Variants in RNF6 observed in about 807,000 individuals in gnomAD.
RNF6 encodes the protein ring finger protein 6, also known as E3 ubiquitin-protein ligase RNF6.
Under a neutral mutation model 50.1 loss-of-function variants are expected in RNF6, and 21 were observed. That is an observed-to-expected ratio of 0.42 (90% CI 0.30 to 0.60). The LOEUF is 0.60. RNF6 is among the 20% of genes least tolerant of loss of function. The pLI, the probability that RNF6 is intolerant of heterozygous loss-of-function variation, is 0.20. For missense variants in RNF6, 698 were observed against 838.2 expected, an observed-to-expected ratio of 0.83 and a Z score of 2.07; for synonymous variants, 255 against 291.8, an observed-to-expected ratio of 0.87 and a Z score of 1.29.
intron 5 of RNF6, among the ~76,000 whole-genome samples, chr13:26,149,986 A>G (rs991590821): frequency 2.3e-5 from 3 of 131,638 alleles, no homozygotes; most frequent in Admixed American, 7.8e-5. Context: ...TATAATGTGT[A>G]TATATATATA....
intron 5 of RNF6, among the ~76,000 whole-genome samples, chr13:26,192,647 C>G (rs1868508584): frequency 6.6e-6 from 1 of 152,208 alleles, no homozygotes; most frequent in Non-Finnish European, 1.5e-5. Context: ...AAACAGGCTG[C>G]CATTTTGGAA....
chr13:26,166,706 G>A (rs1292845850), intron 5 of RNF6, among the ~76,000 whole-genome samples: 2 of 152,134 alleles, frequency 1.3e-5, no homozygotes, highest in South Asian at 2.1e-4. Flanking sequence ...GATCTCTTGA[G>A]GTCAGGAGTT....
Position 26,168,938 on chromosome 13 carries a change from G to A in RNF6, n.769-36487C>T, listed in dbSNP as rs1031863740. Among the ~76,000 whole-genome samples the A allele has an allele frequency of 1.1e-4, 16 of 152,208 alleles. No homozygotes were observed. In the South Asian group the frequency reaches 1.4e-3, roughly 14 times the overall value. ...GAATTGCTTGAGCCTGGGAAGTCAAGGCTGCAATGAGCCATGATCATGCCA... is the reference window on the plus strand; with the variant it reads ...GAATTGCTTGAGCCTGGGAAGTCAAAGCTGCAATGAGCCATGATCATGCCA... On this transcript the variant is annotated intron_variant and non_coding_transcript_variant, in intron 5 of 5. Coordinates refer to the RNF6 transcript ENST00000468480.
intron 5 of RNF6, among the ~76,000 whole-genome samples, chr13:26,160,888 G>A (rs941479455): frequency 6.6e-6 from 1 of 152,062 alleles, no homozygotes; most frequent in South Asian, 2.1e-4. Context: ...CTCTCTGGAT[G>A]TCCTCAGATC....
In RNF6 at chr13:26,151,256, G is replaced by A. The variant is rs498147; in HGVS notation, n.769-18805C>T. On this transcript the variant is annotated intron_variant and non_coding_transcript_variant, in intron 5 of 5. Coordinates refer to the RNF6 transcript ENST00000468480. ...CTTTTCAAAACAGTTAAATCCAGAT[G>A]GTCTGATATCTTTTTTTTTTTTATG... Among the ~76,000 whole-genome samples the A allele has an allele frequency of 8.0e-3, 1,215 of 151,750 alleles. 14 individuals carry two copies. Among genetic ancestry groups the A allele is most frequent in the African/African-American group, 0.023 (934 of 41,320 alleles).
chr13:26,163,092 C>T (rs1409803797), intron 5 of RNF6, among the ~76,000 whole-genome samples: 2 of 151,918 alleles, frequency 1.3e-5, no homozygotes, highest in Non-Finnish European at 2.9e-5. Context: ...GGGTGGATCA[C>T]GAGGTCAGGA....
intron 5 of RNF6, among the ~76,000 whole-genome samples, chr13:26,169,910 T>C (rs1274990514): frequency 1.3e-5 from 2 of 152,218 alleles, no homozygotes; most frequent in Non-Finnish European, 2.9e-5. Flanking sequence ...CTCTCTCCTA[T>C]TATAATAGTT....
intron 5 of RNF6, among the ~76,000 whole-genome samples, chr13:26,164,981 C>T (rs1872377831): frequency 6.6e-6 from 1 of 152,100 alleles, no homozygotes; most frequent in Non-Finnish European, 1.5e-5. Context: ...AATGTTAATC[C>T]CCAAGACAAT....
intron 5 of RNF6, among the ~76,000 whole-genome samples, chr13:26,137,385 AT>A (rs1870702921): frequency 5.9e-5 from 9 of 152,244 alleles, no homozygotes; most frequent in African/African-American, 1.7e-4. Flanking sequence ...AGAATTGCCC[AT>A]TATATTACTT....
At chr13:26,175,954 A>C (rs564260833) in intron 5 of RNF6, among the ~76,000 whole-genome samples, 1 of 152,186 alleles carries the variant, frequency 6.6e-6, no homozygotes, top group East Asian at 1.9e-4. Flanking sequence ...GGAACACAGC[A>C]CTCTCACATT....
At chr13:26,184,699 A>G (rs1212379528) in intron 5 of RNF6, among the ~76,000 whole-genome samples, 1 of 152,210 alleles carries the variant, frequency 6.6e-6, no homozygotes, top group Non-Finnish European at 1.5e-5. Flanking sequence ...TAATGACTGC[A>G]CAATACGAGT....
intron 5 of RNF6, among the ~76,000 whole-genome samples, chr13:26,172,112 C>A (rs12875445): frequency 0.9 from 136,528 of 152,188 alleles, 62,377 homozygotes; most frequent in East Asian, 1. Flanking sequence ...GATATTATAA[C>A]ATGTTAAAAT....
chr13:26,203,870 G>A (rs545264125), intron 5 of RNF6, among the ~76,000 whole-genome samples: 1 of 152,270 alleles, frequency 6.6e-6, no homozygotes, highest in African/African-American at 2.4e-5. Context: ...GGAGAATGGC[G>A]TGAACCCGGG....
chr13:26,179,484 C>T (rs758154855), intron 5 of RNF6, among the ~76,000 whole-genome samples: 62 of 152,300 alleles, frequency 4.1e-4, no homozygotes, highest in Non-Finnish European at 8.1e-4. Flanking sequence ...TTTGGGATCA[C>T]TGAGTACAAG....
chr13:26,164,176 T>A (rs532264717), intron 5 of RNF6, among the ~76,000 whole-genome samples: 100 of 152,200 alleles, frequency 6.6e-4, no homozygotes, highest in Non-Finnish European at 1.2e-3. Flanking sequence ...TTATCATCCC[T>A]GGGACTTATT....
chr13:26,214,172 C>T lies in RNF6; in HGVS notation c.1710G>A (p.Gln570=). ...TRNSDSRGGR[Q]LRNPNNLVET... ...CAACTAAATTGTTTGGATTTCGCAACTGCCTGCCACCCCTACTGTCACTGT... is the reference window on the plus strand; with the variant it reads ...CAACTAAATTGTTTGGATTTCGCAATTGCCTGCCACCCCTACTGTCACTGT... The change falls in exon 5 of 5, where the codon CAG becomes CAA. Residue 570 remains glutamine, a synonymous_variant. Coordinates refer to ENST00000381588, the MANE Select transcript of RNF6 (RefSeq NM_005977.4). The T allele has an allele frequency of 6.2e-7, 1 of 1,614,212 alleles. No homozygotes were observed. The highest frequency in any genetic ancestry group is 1.1e-5 in the South Asian group (1 of 91,084).
intron 5 of RNF6, among the ~76,000 whole-genome samples, chr13:26,189,883 T>C (rs1566427636): frequency 6.6e-6 from 1 of 152,250 alleles, no homozygotes; most frequent in Non-Finnish European, 1.5e-5. Context: ...TCTGACAGTT[T>C]AGCATTTTGG....
chr13:26,186,597 G>A (rs893280993), intron 5 of RNF6, among the ~76,000 whole-genome samples: 2 of 152,222 alleles, frequency 1.3e-5, no homozygotes, highest in African/African-American at 4.8e-5. Context: ...ACGGGGCCGA[G>A]CCTCGGAATT....
intron 5 of RNF6, among the ~76,000 whole-genome samples, chr13:26,201,370 T>C (rs1343528969): frequency 1.3e-5 from 2 of 152,204 alleles, no homozygotes; most frequent in Admixed American, 1.3e-4. Context: ...TGAAACAGAT[T>C]TGATGATTGG....
Sources: allele counts gnomAD v4.1 joint callset (sites outside exome capture counted in the v4.1 genomes callset), GRCh38; gene constraint gnomAD v4.1.1; transcripts MANE v1.5; gene names NCBI Gene and HGNC (gene_info 2026-07-23, HGNC 2026-07-21).